MMP26: variants seen among roughly 807,000 people sequenced by gnomAD.
MMP26 encodes the protein matrix metallopeptidase 26, also known as matrix metalloproteinase-26.
Under a neutral mutation model 31.0 loss-of-function variants are expected in MMP26, and 33 were observed. The observed-to-expected ratio is 1.06, with a 90% CI of 0.81 to 1.42. MMP26 has a LOEUF of 1.42. Among genes scored for constraint, MMP26 ranks in the 40% most tolerant of loss-of-function variants. MMP26 has a pLI of 0.00. For missense variants in MMP26, 347 were observed against 316.1 expected, an observed-to-expected ratio of 1.10 and a Z score of -0.74; for synonymous variants, 122 against 114.9, an observed-to-expected ratio of 1.06 and a Z score of -0.40.
At chr11:4,938,939 C>A (rs1029881869) in intron 2 of MMP26, among the ~76,000 whole-genome samples, 1 of 152,102 alleles carries the variant, frequency 6.6e-6, no homozygotes, top group African/African-American at 2.4e-5. Context: ...TCAACAAATA[C>A]ATCCTAATTT....
chr11:4,895,487 T>C (rs992870848), intron 2 of MMP26, among the ~76,000 whole-genome samples: 1 of 152,240 alleles, frequency 6.6e-6, no homozygotes, highest in Non-Finnish European at 1.5e-5. Context: ...GTCAGAGTTA[T>C]CCTATTTCCA....
intron 2 of MMP26, among the ~76,000 whole-genome samples, chr11:4,888,398 G>C (rs1850572143): frequency 6.6e-6 from 1 of 151,976 alleles, no homozygotes; most frequent in Non-Finnish European, 1.5e-5. Flanking sequence ...TTTTATGCTA[G>C]TTTAACATTA....
chr11:4,835,573 G>A (rs1399746052), intron 2 of MMP26, among the ~76,000 whole-genome samples: 1 of 152,000 alleles, frequency 6.6e-6, no homozygotes, highest in African/African-American at 2.4e-5. Flanking sequence ...GGAGAGAGTG[G>A]GAAAAAGGAG....
At chr11:4,859,534 C>T (rs1564795427) in intron 2 of MMP26, 1 of 367,148 alleles carries the variant, frequency 2.7e-6, no homozygotes, top group Non-Finnish European at 5.4e-6. Flanking sequence ...ATTTGATGCA[C>T]CATAACTGTG....
At chr11:4,793,579 C>T (rs1589902288) in intron 2 of MMP26, among the ~76,000 whole-genome samples, 1 of 152,292 alleles carries the variant, frequency 6.6e-6, no homozygotes, top group East Asian at 1.9e-4. Flanking sequence ...GGAAGCATTA[C>T]ATTTTTCATG....
chr11:4,959,875 G>A (rs1338698477), intron 2 of MMP26, among the ~76,000 whole-genome samples: 1 of 152,056 alleles, frequency 6.6e-6, no homozygotes, highest in African/African-American at 2.4e-5. Context: ...GCCTGTGTGA[G>A]TGTGTATGTG....
intron 2 of MMP26, among the ~76,000 whole-genome samples, chr11:4,939,544 A>G (rs1397440721): frequency 6.6e-6 from 1 of 152,162 alleles, no homozygotes; most frequent in Admixed American, 6.5e-5. Flanking sequence ...TTTAGGAATT[A>G]TTAACTCTCT....
chr11:4,810,003 T>C (rs1849328376), intron 2 of MMP26, among the ~76,000 whole-genome samples: 1 of 152,216 alleles, frequency 6.6e-6, no homozygotes, highest in Admixed American at 6.5e-5. Context: ...TTTAAAGGGT[T>C]ATGTCTGGAC....
chr11:4,753,181 C>T (rs770439013), intron 1 of MMP26, among the ~76,000 whole-genome samples: 4 of 152,040 alleles, frequency 2.6e-5, no homozygotes, highest in Non-Finnish European at 5.9e-5. Context: ...TCCCAGAAGA[C>T]CTCTTAATGC....
chr11:4,913,117 T>C (rs942115426), intron 2 of MMP26: 1 of 152,228 alleles, frequency 6.6e-6, no homozygotes, highest in Non-Finnish European at 1.5e-5. Flanking sequence ...TCTGTGTTAC[T>C]CAAATGGTCA....
Position 4,804,205 on chromosome 11 carries a change from T to G in MMP26, c.-145+36864T>G, listed in dbSNP as rs1409553877. Reference sequence around the variant, plus strand: ...GGCCAGAAAGAGGTACATGGGCTCATGCAGGGTGTGGTCAATTCTGATTAC... The same window carrying G: ...GGCCAGAAAGAGGTACATGGGCTCAGGCAGGGTGTGGTCAATTCTGATTAC... On this transcript the variant is annotated intron_variant, in intron 2 of 7. Transcript: ENST00000380390. 4.3e-6 allele frequency: 7 copies of G among 1,614,004 alleles called. No homozygotes were observed. In the African/African-American group the frequency reaches 9.3e-5, roughly 22 times the overall value.
intron 2 of MMP26, among the ~76,000 whole-genome samples, chr11:4,892,945 T>C (rs912015612): frequency 1.3e-5 from 2 of 152,154 alleles, no homozygotes; most frequent in African/African-American, 4.8e-5. Context: ...GCATTTTATG[T>C]TTTCTTCTGC....
At chr11:4,989,014 G>T (rs1846951479) in intron 3 of MMP26, among the ~76,000 whole-genome samples, 1 of 152,192 alleles carries the variant, frequency 6.6e-6, no homozygotes, top group Admixed American at 6.5e-5. Flanking sequence ...AGATCAAGCT[G>T]TATCAGACAT....
At chr11:4,803,371 G>T in intron 2 of MMP26, 1 of 1,125,550 alleles carries the variant, frequency 8.9e-7, no homozygotes, top group East Asian at 2.4e-5. Context: ...CCTGTCAAAT[G>T]TTCATTAATG....
At position 4,992,062 on chromosome 11, in the gene MMP26, T is replaced by C; in HGVS notation, c.694T>C (p.Tyr232His). The C allele has an allele frequency of 2.5e-6, 4 of 1,614,084 alleles. No individual in the cohort carries two copies. The highest frequency in any genetic ancestry group is 3.4e-6 in the Non-Finnish European group (4 of 1,179,994). ...QSSIMYPTYW[Y>H]HDPRTFQLSA... is the part of the protein sequence containing the mutation. ...CTCCATAATGTACCCCACTTACTGG[T>C]ATCACGACCCTAGAACCTTCCAGCT... The change falls in exon 7 of 8, where the codon TAT becomes CAT. Residue 232 changes from tyrosine to histidine, a missense_variant. Tyr to His is a moderately conservative substitution (Grantham distance 83, BLOSUM62 2). Transcript: ENST00000380390.
In MMP26 at chr11:4,724,718, G is replaced by A. The variant is rs183982284; in HGVS notation, c.-217+19673G>A. Among the ~76,000 whole-genome samples, 515 of 152,266 alleles carry A rather than the reference G, an allele frequency of 3.4e-3. 2 individuals are homozygous for A. Among genetic ancestry groups the A allele is most frequent in the African/African-American group, 0.011 (468 of 41,558 alleles). ...TAAATGAATCCAATAGAACAACTTC[G>A]TTTATTGCTATAATACAATGTTAAC... On this transcript the variant is annotated intron_variant, in intron 1 of 7. Coordinates refer to ENST00000380390, the MANE Select transcript of MMP26 (RefSeq NM_021801.5).
At chr11:4,799,250 C>T (rs959148067) in intron 2 of MMP26, among the ~76,000 whole-genome samples, 2 of 152,224 alleles carry the variant, frequency 1.3e-5, no homozygotes, top group African/African-American at 2.4e-5. Context: ...GCAGACTGTA[C>T]GAGCATGGCA....
intron 1 of MMP26, among the ~76,000 whole-genome samples, chr11:4,709,045 A>G (rs1289573065): frequency 9.2e-5 from 14 of 152,070 alleles, no homozygotes. Flanking sequence ...TCATTTGATC[A>G]GGAGTATTTT....
At chr11:4,801,420 T>C (rs1849179369) in intron 2 of MMP26, among the ~76,000 whole-genome samples, 1 of 152,112 alleles carries the variant, frequency 6.6e-6, no homozygotes, top group African/African-American at 2.4e-5. Flanking sequence ...TGTGCAATCA[T>C]GGCAGAAGAC....
Sources: gnomAD v4.1 joint callset for allele counts (sites outside exome capture counted in the v4.1 genomes callset) on GRCh38, gnomAD v4.1.1 for gene constraint, MANE v1.5 for transcripts, NCBI Gene and HGNC (gene_info 2026-07-23, HGNC 2026-07-21) for gene names.